The following ABLIM1 variants were observed in gnomAD, a reference collection of about 807,000 sequenced individuals.
ABLIM1 encodes the protein actin-binding LIM protein 1.
In ABLIM1, 40 loss-of-function variants were observed where a neutral mutation model predicts 107.0. The ratio of observed to expected loss-of-function variants is 0.37; its 90% CI spans 0.29 to 0.49. The LOEUF is 0.49. Ranked by LOEUF, ABLIM1 falls within the 20% of genes least tolerant of loss-of-function variation. The pLI is 0.97. For synonymous variants in ABLIM1, 357 were observed against 357.3 expected (o/e 1.00, Z 0.01); for missense variants, 857 against 1,008.5 (o/e 0.85, Z 2.04).
Position 114,699,484 on chromosome 10 carries a change from A to T in ABLIM1, c.-213+68577T>A, listed in dbSNP as rs553871537. 2.6e-5 allele frequency among the ~76,000 whole-genome samples: 4 copies of T among 152,280 alleles called. No homozygotes were observed. The South Asian group carries it at 8.3e-4, about 32-fold the overall frequency. On this transcript the variant is annotated intron_variant, in intron 1 of 15. Transcript: ENST00000651092. ...TATAAACCTTGACAATGTAAAAGTA[A>T]GGTGTCTTCTGACAGCAGTCAGAAG... is the stretch of plus-strand genomic sequence containing the variant.
chr10:114,657,693 C>G (rs1322359189), intron 1 of ABLIM1, among the ~76,000 whole-genome samples: 1 of 152,128 alleles, frequency 6.6e-6, no homozygotes, highest in Non-Finnish European at 1.5e-5. Flanking sequence ...CTATTACTGA[C>G]AATTATTCAT....
chr10:114,768,075 G>A (rs1209844859), upstream of ABLIM1: 1 of 430,066 alleles, frequency 2.3e-6, no homozygotes, highest in South Asian at 1.6e-5. Context: ...GGCGGACATG[G>A]TGCAGGCAGC....
intron 1 of ABLIM1, among the ~76,000 whole-genome samples, chr10:114,693,717 T>C (rs1457813455): frequency 1.3e-5 from 2 of 152,022 alleles, no homozygotes; most frequent in African/African-American, 2.4e-5. Context: ...TGCATGATCA[T>C]AGCTCACTGT....
intron 1 of ABLIM1, among the ~76,000 whole-genome samples, chr10:114,638,098 G>C (rs888419977): frequency 2.6e-5 from 4 of 152,158 alleles, no homozygotes; most frequent in Non-Finnish European, 5.9e-5. Flanking sequence ...CTGAGGGAAA[G>C]GGTCACATGT....
intron 11 of ABLIM1, 85 bp from the exon 12 acceptor site, chr10:114,465,912 G>T: frequency 6.9e-7 from 1 of 1,451,414 alleles, no homozygotes; most frequent in South Asian, 1.3e-5. Flanking sequence ...GAACCATCAT[G>T]TCTACTTGTT....
At chr10:114,573,305 C>A (rs571666085) in intron 3 of ABLIM1, among the ~76,000 whole-genome samples, 21 of 152,274 alleles carry the variant, frequency 1.4e-4, no homozygotes, top group Admixed American at 2.6e-4. Context: ...CTCCTGGTTC[C>A]CTTCAAAGAA....
At chr10:114,515,857 C>CGG (rs2062728364) in intron 6 of ABLIM1, among the ~76,000 whole-genome samples, 1 of 151,996 alleles carries the variant, frequency 6.6e-6, no homozygotes, top group African/African-American at 2.4e-5. Context: ...TGGAAGAGGC[C>CGG]AGAAGCTGGA....
chr10:114,439,911 A>G (rs1188341459), intron 20 of ABLIM1, 171 bp downstream of exon 20: 5 of 1,156,888 alleles, frequency 4.3e-6, no homozygotes, highest in Non-Finnish European at 6.1e-6. Context: ...GGACAGCTTG[A>G]CCCAGGCACC....
At chr10:114,503,975 C>G (rs979542282) in intron 6 of ABLIM1, among the ~76,000 whole-genome samples, 1 of 152,140 alleles carries the variant, frequency 6.6e-6, no homozygotes, top group Non-Finnish European at 1.5e-5. Context: ...CCTAAATTGA[C>G]CTGATATTAG....
intron 1 of ABLIM1, among the ~76,000 whole-genome samples, chr10:114,740,695 T>C (rs1285392196): frequency 6.6e-6 from 1 of 152,072 alleles, no homozygotes; most frequent in Non-Finnish European, 1.5e-5. Context: ...ATATTAGATA[T>C]AGTAACTTGG....
intron 1 of ABLIM1, among the ~76,000 whole-genome samples, chr10:114,745,003 A>AG (rs2082354305): frequency 6.6e-6 from 1 of 152,090 alleles, no homozygotes; most frequent in Non-Finnish European, 1.5e-5. Context: ...CTCCCCAGAT[A>AG]GGGAGAAACA....
At chr10:114,596,715 C>T (rs775111044) in intron 2 of ABLIM1, among the ~76,000 whole-genome samples, 3 of 152,198 alleles carry the variant, frequency 2.0e-5, no homozygotes, top group South Asian at 2.1e-4. Context: ...ACTCCTCCAT[C>T]GCAACCCTTT....
At chr10:114,572,833 C>T (rs943518906) in intron 3 of ABLIM1, among the ~76,000 whole-genome samples, 14 of 152,206 alleles carry the variant, frequency 9.2e-5, no homozygotes, top group Non-Finnish European at 1.8e-4. Context: ...TGCCTCCGAC[C>T]AGGCCAGGAG....
At chr10:114,584,338 T>A (rs2073958840) in intron 2 of ABLIM1, among the ~76,000 whole-genome samples, 1 of 152,228 alleles carries the variant, frequency 6.6e-6, no homozygotes, top group African/African-American at 2.4e-5. Flanking sequence ...TAAATTTTTT[T>A]AAAGTTTTAT....
intron 4 of ABLIM1, among the ~76,000 whole-genome samples, chr10:114,549,378 C>T (rs569690766): frequency 5.3e-5 from 8 of 152,166 alleles, no homozygotes; most frequent in Admixed American, 2.6e-4. Flanking sequence ...AACGAAGCTC[C>T]GTCTCAATAA....
intron 8 of ABLIM1, 59 bp downstream of exon 8, chr10:114,487,899 T>G: frequency 6.3e-7 from 1 of 1,588,782 alleles, no homozygotes; most frequent in East Asian, 2.2e-5. Flanking sequence ...CAAGAATTAG[T>G]GACCACGAGC....
chr10:114,658,839 G>A (rs968531590), upstream of ABLIM1, among the ~76,000 whole-genome samples: 8 of 152,132 alleles, frequency 5.3e-5, no homozygotes, highest in African/African-American at 1.9e-4. Context: ...GTTTACTGTC[G>A]TAATGTTTCA....
chr10:114,468,419 C>T (rs529748310), intron 10 of ABLIM1, among the ~76,000 whole-genome samples: 20,729 of 53,118 alleles, frequency 0.39, 1,650 homozygotes, highest in Middle Eastern at 0.48. Flanking sequence ...GGACTACAGG[C>T]GCCGCCACCA....
chr10:114,771,080 C>T (rs1369872495), upstream of ABLIM1, among the ~76,000 whole-genome samples: 1 of 152,212 alleles, frequency 6.6e-6, no homozygotes, highest in Non-Finnish European at 1.5e-5. Flanking sequence ...AACTGCCCGC[C>T]TCGGCTTCCC....
Sources: gnomAD v4.1 joint callset for allele counts (sites outside exome capture counted in the v4.1 genomes callset) on GRCh38, gnomAD v4.1.1 for gene constraint, MANE v1.5 for transcripts, NCBI Gene and HGNC (gene_info 2026-07-23, HGNC 2026-07-21) for gene names.